DLG5: variants seen among roughly 807,000 people sequenced by gnomAD.
DLG5 encodes disks large homolog 5.
DLG5 carries 48 observed loss-of-function variants against 189.8 expected under a neutral mutation model. The ratio of observed to expected loss-of-function variants is 0.25; its 90% confidence interval spans 0.20 to 0.32. The LOEUF is 0.32. Among genes scored for constraint, DLG5 ranks in the 10% least tolerant of loss-of-function variants. The pLI, the probability that DLG5 is intolerant of heterozygous loss-of-function variation, is 1.00. For synonymous variants in DLG5, 1,016 were observed against 1,054.1 expected (o/e 0.96, Z 0.70); for missense variants, 2,160 against 2,544.7 (o/e 0.85, Z 3.25).
chr10:77,852,900 C>T (rs1271600387), intron 5 of DLG5, among the ~76,000 whole-genome samples: 1 of 152,150 alleles, frequency 6.6e-6, no homozygotes, highest in Non-Finnish European at 1.5e-5. Context: ...TATGTGTACA[C>T]TTAGCTACTC....
intron 27 of DLG5, among the ~76,000 whole-genome samples, chr10:77,801,116 G>C (rs1841182133): frequency 6.6e-6 from 1 of 152,108 alleles, no homozygotes; most frequent in Admixed American, 6.5e-5. Flanking sequence ...GCATATCATG[G>C]GGCAGGACCA....
At chr10:77,807,772 C>T (rs202003996) in intron 25 of DLG5, 24 bp downstream of exon 25, 98 of 1,607,030 alleles carry the variant, frequency 6.1e-5, no homozygotes, top group African/African-American at 4.5e-4. Flanking sequence ...CCAAATCTCC[C>T]ACCGATTCCC....
Position 77,843,464 on chromosome 10 carries a change from G to A in DLG5, c.1107C>T (p.Cys369=), listed in dbSNP as rs774327018. 54 of 1,613,744 alleles carry A rather than the reference G, an allele frequency of 3.3e-5. 1 individual carries two copies. The South Asian group carries it at 3.5e-4, about 10-fold the overall frequency. The change falls in exon 6 of 32, where the codon TGC becomes TGT. Residue 369 remains cysteine, a synonymous_variant. Transcript: ENST00000372391. ...RDTAIQLQHQ[C]ALSLRRFEAI... is the part of the protein sequence containing the mutation. ...AGCCCTACCTCCTCAGGGAGAGGGC[G>A]CACTGGTGCTGCAGCTGGATGGCCG... is the stretch of plus-strand genomic sequence containing the variant.
chr10:77,830,398 T>C, intron 10 of DLG5, 54 bp from the exon 11 acceptor site: 1 of 1,611,918 alleles, frequency 6.2e-7, no homozygotes, highest in Non-Finnish European at 8.5e-7. Context: ...ACAGAGACAT[T>C]TGGCTCTTAA....
intron 1 of DLG5, among the ~76,000 whole-genome samples, chr10:77,879,284 G>A (rs181970932): frequency 2.0e-5 from 3 of 152,214 alleles, no homozygotes; most frequent in Admixed American, 6.5e-5. Flanking sequence ...CCCATGCGGG[G>A]AGACCTGTCT....
At chr10:77,794,999 G>A (rs760546971) in intron 29 of DLG5, 41 bp from the exon 30 acceptor site, 1 of 1,551,398 alleles carries the variant, frequency 6.4e-7, no homozygotes, top group Non-Finnish European at 8.9e-7. Context: ...CGGGCAGTGA[G>A]GGGCAGCCAG....
At chr10:77,795,743 C>T (rs1215714631) in intron 29 of DLG5, among the ~76,000 whole-genome samples, 1 of 152,100 alleles carries the variant, frequency 6.6e-6, no homozygotes, top group African/African-American at 2.4e-5. Flanking sequence ...GGACCCCGTT[C>T]CGGAATGCCC....
chr10:77,852,360 A>G (rs553757052), intron 5 of DLG5, among the ~76,000 whole-genome samples: 4 of 152,010 alleles, frequency 2.6e-5, no homozygotes, highest in African/African-American at 9.6e-5. Flanking sequence ...GACAGAGCGA[A>G]CTCTGTCTCA....
chr10:77,932,776 G>A, the DLG5 span, among the ~76,000 whole-genome samples: 7 of 152,306 alleles, frequency 4.6e-5, no homozygotes, highest in Middle Eastern at 3.4e-3. Context: ...CTGCTGGGGC[G>A]CTAAGCACCA....
intron 9 of DLG5, among the ~76,000 whole-genome samples, chr10:77,833,618 G>T (rs1390423197): frequency 7.9e-5 from 12 of 152,264 alleles, no homozygotes. Flanking sequence ...GCCTGCCCCA[G>T]ATGGACTGCT....
intron 1 of DLG5, among the ~76,000 whole-genome samples, chr10:77,885,072 C>A (rs1030953511): frequency 6.6e-6 from 1 of 152,132 alleles, no homozygotes; most frequent in African/African-American, 2.4e-5. Context: ...AGGCTGTCAC[C>A]TCCTATCCCC....
intron 27 of DLG5, among the ~76,000 whole-genome samples, chr10:77,805,458 G>A (rs1841419485): frequency 6.6e-6 from 1 of 152,212 alleles, no homozygotes; most frequent in Admixed American, 6.5e-5. Context: ...TGCATTGACA[G>A]GCGGTGACTG....
intron 27 of DLG5, among the ~76,000 whole-genome samples, chr10:77,801,910 AG>A (rs1255296473): frequency 6.6e-6 from 1 of 152,216 alleles, no homozygotes; most frequent in African/African-American, 2.4e-5. Context: ...CTTTTCCTGG[AG>A]TATCTGGGTG....
chr10:77,805,841 C>T lies in DLG5; in HGVS notation c.4988G>A (p.Arg1663Lys). ...SKYVMDQEFS[R>K]RLSMSEVKDD... ...TTTGACTTCAGACATGCTGAGCCTC[C>T]TGGAGAATTCTTGGTCCATCCTGTG... Residue 1663 changes from arginine (R) to lysine (K), a missense_variant, in exon 27 of 32, where the codon AGG (arginine) becomes AAG (lysine). Arg to Lys is a conservative substitution (Grantham distance 26). Around this residue, in one of 5 missense-constraint regions of DLG5, gnomAD observed 574 missense variants for 644.2 expected, o/e 0.89. Transcript: ENST00000372391. 1 of 1,613,470 alleles carries T rather than the reference C, an allele frequency of 6.2e-7. No homozygotes were observed. The highest frequency in any genetic ancestry group is 8.5e-7 in the Non-Finnish European group (1 of 1,179,462).
intron 1 of DLG5, among the ~76,000 whole-genome samples, chr10:77,877,507 C>T (rs1845137171): frequency 6.6e-6 from 1 of 152,184 alleles, no homozygotes; most frequent in Non-Finnish European, 1.5e-5. Flanking sequence ...TGATGAAAGC[C>T]ACCCTCTTTG....
chr10:77,936,446 C>CAAAAAAAAAAAAAAA, the DLG5 span, among the ~76,000 whole-genome samples: 1 of 52,128 alleles, frequency 1.9e-5, no homozygotes, highest in Non-Finnish European at 3.3e-5. Context: ...CAAAACAAAA[C>CAAAAAAAAAAAAAAA]AAAAAAAAAA....
the DLG5 span, among the ~76,000 whole-genome samples, chr10:77,939,663 ACCT>A: frequency 6.6e-6 from 1 of 151,984 alleles, no homozygotes; most frequent in Non-Finnish European, 1.5e-5. Context: ...CTTTAAGCAA[ACCT>A]CCTTTGTGTA....
chr10:77,877,864 C>T (rs970659419), intron 1 of DLG5, among the ~76,000 whole-genome samples: 4 of 152,176 alleles, frequency 2.6e-5, no homozygotes, highest in African/African-American at 7.2e-5. Context: ...TGGAGCAGCG[C>T]CTCTGCCCCG....
At chr10:77,883,293 T>A (rs1429287954) in intron 1 of DLG5, among the ~76,000 whole-genome samples, 6 of 151,830 alleles carry the variant, frequency 4.0e-5, no homozygotes, top group African/African-American at 1.5e-4. Context: ...TAGGGAAGAA[T>A]GGAGGATGGT....
Sources: gnomAD v4.1 joint callset for allele counts (sites outside exome capture counted in the v4.1 genomes callset) on GRCh38, gnomAD v4.1.1 for gene constraint, gnomAD v4.1.1 regional missense constraint, MANE v1.5 for transcripts, NCBI Gene and HGNC (gene_info 2026-07-23, HGNC 2026-07-21) for gene names.